Variants in PARP15 observed in about 807,000 individuals in gnomAD.
PARP15 encodes the protein protein mono-ADP-ribosyltransferase PARP15.
Under a neutral mutation model 62.1 loss-of-function variants are expected in PARP15, and 50 were observed. That is an observed-to-expected ratio of 0.81 (90% CI 0.64 to 1.02). The LOEUF (loss-of-function observed/expected upper bound fraction) is 1.02. PARP15 is among the 50% of genes least tolerant of loss of function. The pLI, the probability that PARP15 is intolerant of heterozygous loss-of-function variation, is 0.00. For missense variants in PARP15, 820 were observed against 826.5 expected, an observed-to-expected ratio of 0.99 and a Z score of 0.10; for synonymous variants, 309 against 293.1, an observed-to-expected ratio of 1.05 and a Z score of -0.55.
At chr3:122,635,773 T>A in intron 11 of PARP15, 38 bp from the exon 12 acceptor site, 1 of 1,579,462 alleles carries the variant, frequency 6.3e-7, no homozygotes, top group Non-Finnish European at 8.6e-7. Flanking sequence ...TTGTGTAATT[T>A]TATATTCTTA....
At chr3:122,621,780 G>A (rs7644100) in intron 8 of PARP15, among the ~76,000 whole-genome samples, 169 bp downstream of exon 8, 4 of 151,966 alleles carry the variant, frequency 2.6e-5, no homozygotes, top group African/African-American at 4.8e-5. Context: ...CTACTGGGCC[G>A]AAGCCTCTTT....
At chr3:122,611,571 T>C (rs1935567965) in intron 3 of PARP15, among the ~76,000 whole-genome samples, 1 of 152,130 alleles carries the variant, frequency 6.6e-6, no homozygotes, top group South Asian at 2.1e-4. Flanking sequence ...ACTCCTGACC[T>C]CAAGTGATCC....
chr3:122,595,942 C>T (rs962255380), intron 1 of PARP15, among the ~76,000 whole-genome samples: 1 of 152,064 alleles, frequency 6.6e-6, no homozygotes, highest in Non-Finnish European at 1.5e-5. Context: ...TCTCTAGGAT[C>T]TAGTGGCATT....
intron 2 of PARP15, 63 bp from the exon 3 acceptor site, chr3:122,610,427 AAATT>A: frequency 7.3e-7 from 1 of 1,367,260 alleles, no homozygotes; most frequent in Non-Finnish European, 1.0e-6. Flanking sequence ...AATACTTAGT[AAATT>A]TACAGTTGCT....
At chr3:122,619,561 C>G (rs6792882) in intron 6 of PARP15, among the ~76,000 whole-genome samples, 1 of 152,048 alleles carries the variant, frequency 6.6e-6, no homozygotes, top group African/African-American at 2.4e-5. Flanking sequence ...AAGTTGCAGA[C>G]GCCAGCCTTT....
In PARP15 at chr3:122,636,527, G is replaced by A. The variant is rs1208217721; in HGVS notation, c.*427G>A. On this transcript the variant is annotated 3_prime_UTR_variant, in exon 12 of 12. Coordinates refer to ENST00000464300, the MANE Select transcript of PARP15 (RefSeq NM_001113523.3). ...CCGTTATGCATCTATCACAGTTGGG[G>A]ATTTTGCCTTATTAAGGAAAACTTG... 1.2e-5 allele frequency: 2 copies of A among 161,444 alleles called. No individual in the cohort carries two copies. Among genetic ancestry groups the A allele is most frequent in the African/African-American group, 4.8e-5 (2 of 41,652 alleles). 10.0% of individuals were successfully genotyped at this position (161,444 alleles called of 1,614,324 possible).
chr3:122,586,029 T>C (rs13434069), intron 1 of PARP15, among the ~76,000 whole-genome samples: 4,876 of 152,348 alleles, frequency 0.032, 118 homozygotes, highest in Non-Finnish European at 0.052. Context: ...ATAGAACTTT[T>C]ATTCTACTAC....
Position 122,592,277 on chromosome 3 carries a change from A to G in PARP15, c.187-13659A>G, listed in dbSNP as rs149256842. ...ATACTGCCATAAAAAGGATGAGATC[A>G]TGTCCTTTGCAGGGACATGGATGGA... On this transcript the variant is annotated intron_variant, in intron 1 of 11. Transcript: ENST00000464300. Among the ~76,000 whole-genome samples the G allele has an allele frequency of 7.6e-3, 1,155 of 152,360 alleles. 15 individuals carry two copies. The highest frequency in any genetic ancestry group is 0.026 in the African/African-American group (1,083 of 41,598).
chr3:122,619,861 T>G lies in PARP15; in HGVS notation c.1063+18T>G. On this transcript the variant is annotated intron_variant, in intron 7 of 11. Transcript: ENST00000464300. Reference sequence around the variant, plus strand: ...TGTACTAGGTATGGGCACATGTTACTTTTGACTACAAACTTGAAAATCAGA... The same window carrying G: ...TGTACTAGGTATGGGCACATGTTACGTTTGACTACAAACTTGAAAATCAGA... The G allele has an allele frequency of 1.2e-6, 2 of 1,602,124 alleles. No homozygotes were observed. Among genetic ancestry groups the G allele is most frequent in the Non-Finnish European group, 1.7e-6 (2 of 1,169,108 alleles).
chr3:122,635,789 G>A, intron 11 of PARP15, 22 bp from the exon 12 acceptor site: 1 of 1,597,882 alleles, frequency 6.3e-7, no homozygotes, highest in South Asian at 1.1e-5. Context: ...TCTTAGGAAG[G>A]TTTTTGTCTT....
chr3:122,629,454 C>A (rs549981721), intron 9 of PARP15, among the ~76,000 whole-genome samples: 1 of 152,122 alleles, frequency 6.6e-6, no homozygotes, highest in African/African-American at 2.4e-5. Context: ...TTAATCCCAC[C>A]CCCACAGGTG....
rs187113225 is a variant in PARP15 at position 122,617,995 on chromosome 3, G to A, written c.1000+831G>A. On this transcript the variant is annotated intron_variant, in intron 6 of 11. Coordinates refer to ENST00000464300, the MANE Select transcript of PARP15 (RefSeq NM_001113523.3). ...GATCTGCCTGTCTTGGCCTCCCTAA[G>A]TGCTGGGATTACAGGTGTGAGCCAC... Among the ~76,000 whole-genome samples the A allele has an allele frequency of 3.0e-3, 464 of 152,274 alleles. 3 individuals are homozygous for A. Among genetic ancestry groups the A allele is most frequent in the African/African-American group, 0.011 (458 of 41,550 alleles).
At chr3:122,606,276 C>T (rs1397539190) in intron 2 of PARP15, among the ~76,000 whole-genome samples, 1 of 152,122 alleles carries the variant, frequency 6.6e-6, no homozygotes, top group East Asian at 1.9e-4. Context: ...TCAAGTTTAA[C>T]CACAAACAAG....
intron 1 of PARP15, among the ~76,000 whole-genome samples, chr3:122,585,460 T>C (rs1302166122): frequency 6.6e-6 from 1 of 152,192 alleles, no homozygotes; most frequent in Non-Finnish European, 1.5e-5. Context: ...TCTGACTGGA[T>C]CCTGTTATGG....
chr3:122,634,001 C>T (rs76537366), intron 10 of PARP15, among the ~76,000 whole-genome samples: 106 of 152,262 alleles, frequency 7.0e-4, no homozygotes, highest in African/African-American at 2.3e-3. Flanking sequence ...CAGTCAACCC[C>T]CTCACACATT....
intron 1 of PARP15, among the ~76,000 whole-genome samples, chr3:122,591,354 ACGT>A (rs1224110885): frequency 6.6e-6 from 1 of 152,210 alleles, no homozygotes; most frequent in Non-Finnish European, 1.5e-5. Flanking sequence ...AATATCCAAG[ACGT>A]CATGACTGAG....
intron 6 of PARP15, 98 bp downstream of exon 6, chr3:122,617,262 T>C: frequency 1.6e-6 from 2 of 1,277,948 alleles, no homozygotes; most frequent in Non-Finnish European, 2.2e-6. Flanking sequence ...GAGAGTGTTG[T>C]AGAAAATATG....
At chr3:122,578,065 T>TCCC in intron 1 of PARP15, among the ~76,000 whole-genome samples, 1 of 149,772 alleles carries the variant, frequency 6.7e-6, no homozygotes, top group South Asian at 2.1e-4. Context: ...TTTTTTTTTT[T>TCCC]CCCTTAAAAT....
intron 1 of PARP15, among the ~76,000 whole-genome samples, chr3:122,586,134 T>A (rs1222299353): frequency 6.6e-6 from 1 of 152,232 alleles, no homozygotes; most frequent in Non-Finnish European, 1.5e-5. Context: ...TATTTAATTT[T>A]CTTCATAATA....
Sources: gnomAD v4.1 joint callset for allele counts (sites outside exome capture counted in the v4.1 genomes callset) on GRCh38, gnomAD v4.1.1 for gene constraint, MANE v1.5 for transcripts, NCBI Gene and HGNC (gene_info 2026-07-23, HGNC 2026-07-21) for gene names.